Variants in PSPN observed in about 807,000 individuals in gnomAD.
PSPN encodes persephin.
Under a neutral mutation model 9.4 loss-of-function variants are expected in PSPN, and 12 were observed. That is an observed-to-expected ratio of 1.28 (90% CI 0.82 to 2.07). The LOEUF (loss-of-function observed/expected upper bound fraction) is 2.07. PSPN is among the 30% of genes most tolerant of loss of function. PSPN has a pLI of 0.00. For missense variants in PSPN, 229 were observed against 227.4 expected, an observed-to-expected ratio of 1.01 and a Z score of -0.05; for synonymous variants, 115 against 106.4, an observed-to-expected ratio of 1.08 and a Z score of -0.50.
rs766096681 is a variant in PSPN, at chr19:6,375,539, C to G, written c.226G>C (p.Ala76Pro). The G allele has an allele frequency of 4.5e-6, 7 of 1,572,156 alleles. No individual in the cohort carries two copies. The highest frequency in any genetic ancestry group is 5.2e-6 in the Non-Finnish European group (6 of 1,158,784). ...CQLWSLTLSV[A>P]ELGLGYASEE... The stretch of plus-strand genomic sequence containing the variant: ...GAGGCGTAGCCCAGGCCTAGCTCTG[C>G]CACGGACAGGGTCAGGCTCCACAGC... The change falls in exon 2 of 2, where the codon GCA (alanine) becomes CCA (proline). Residue 76 changes from alanine to proline, a missense_variant. Transcript: ENST00000245810.
Position 6,375,819 on chromosome 19 carries a change from G to A in PSPN, c.31C>T (p.Leu11=), listed in dbSNP as rs766584873. 3.1e-6 allele frequency: 5 copies of A among 1,614,102 alleles called. No homozygotes were observed. The highest frequency in any genetic ancestry group is 1.7e-5 in the Admixed American group (1 of 60,016). The change falls in exon 1 of 2, where the codon CTG becomes TTG. Residue 11 remains leucine (L), a synonymous_variant. Transcript: ENST00000245810. MAVGKFLLGS[L]LLLSLQLGQG... is the part of the protein sequence containing the mutation. ...CCCAGCTGCAGGGACAGGAGCAGCA[G>A]GGAGCCCAGCAGGAACTTCCCTACG...
At position 6,375,733 on chromosome 19, in the gene PSPN, T is replaced by C; in HGVS notation, c.117A>G (p.Glu39=). The change falls in exon 1 of 2, where the codon GAA becomes GAG. Residue 39 remains glutamate (E), a synonymous_variant. Coordinates refer to ENST00000245810, the MANE Select transcript of PSPN (RefSeq NM_004158.5). The part of the protein sequence containing the change: ...VPVADGEFSS[E]QVAKAGGTWL... The stretch of plus-strand genomic sequence containing the variant: ...AGGTCCCTCCAGCCTTTGCCACCTG[T>C]TCAGACGAGAACTCTCCATCGGCCA... 1.2e-6 allele frequency: 2 copies of C among 1,614,026 alleles called. No individual in the cohort carries two copies. The highest frequency in any genetic ancestry group is 8.5e-7 in the Non-Finnish European group (1 of 1,179,982).
Position 6,375,162 on chromosome 19 carries a change from G to C in PSPN, c.*132C>G. 1 of 1,282,116 alleles carries C rather than the reference G, an allele frequency of 7.8e-7. No homozygotes were observed. Among genetic ancestry groups the C allele is most frequent in the Non-Finnish European group, 1.0e-6 (1 of 967,824 alleles). The allele number at this position is 1,282,116 out of a possible 1,614,324, so 79.4% of individuals were successfully genotyped here. ...AAAGTCACAAGGCCGGGAGAGTGGT[G>C]TCCTTTATTGCACTCACTGCTGGTC... On this transcript the variant is annotated 3_prime_UTR_variant, in exon 2 of 2. Transcript: ENST00000245810.
chr19:6,375,385 GT>G lies in PSPN; in HGVS notation c.379del (p.Thr127LeufsTer70). On this transcript the variant is annotated frameshift_variant, in exon 2 of 2. Transcript: ENST00000245810. LOFTEE classifies it high-confidence loss of function. ...GAGGAAGGCCACGTCGGTGTAGCGA[GT>G]GGGCCGGCAGCAGGGCCCGCCGTGG... Reference protein sequence around the residue: ...RAHGGPCCRPTRYTDVAFLDD... With the variant: ...RAHGGPCCRPXRYTDVAFLDD... The G allele has an allele frequency of 6.7e-7, 1 of 1,484,388 alleles. No homozygotes were observed. The highest frequency in any genetic ancestry group is 8.9e-7 in the Non-Finnish European group (1 of 1,125,368). The allele number at this position is 1,484,388 out of a possible 1,614,324, so 92.0% of individuals were successfully genotyped here.
chr19:6,375,434 G>A lies in PSPN; in HGVS notation c.331C>T (p.Arg111Trp), dbSNP rs761645033. ...TGGGCTCGGCCCTGGCCCTGCAGCCGGGCCAGCGCCAGGCCATGCTGGGTG... is the reference window on the plus strand; with the variant it reads ...TGGGCTCGGCCCTGGCCCTGCAGCCAGGCCAGCGCCAGGCCATGCTGGGTG... The part of the protein sequence containing the change: ...ARTQHGLALA[R>W]LQGQGRAHGG... The change falls in exon 2 of 2, where the codon CGG (arginine) becomes TGG (tryptophan). Residue 111 changes from arginine (R) to tryptophan (W), a missense_variant. Arg to Trp is a moderately radical substitution (Grantham distance 101). Transcript: ENST00000245810. 36 of 1,541,638 alleles carry A rather than the reference G, an allele frequency of 2.3e-5. No individual in the cohort carries two copies. The highest frequency in any genetic ancestry group is 3.6e-5 in the South Asian group (3 of 83,448).
rs1281183357 is a variant in PSPN at position 6,375,636 on chromosome 19, T to C, written c.149-20A>G. 6.3e-7 allele frequency: 1 copy of C among 1,597,030 alleles called. No individual in the cohort carries two copies. On this transcript the variant is annotated intron_variant, in intron 1 of 1. Transcript: ENST00000245810. ...GGGTGCCTGTGGGAGGGAAGGGCGCTGACAGTGAGCAGGGTCAGGGCTGGG... is the reference window on the plus strand; with the variant it reads ...GGGTGCCTGTGGGAGGGAAGGGCGCCGACAGTGAGCAGGGTCAGGGCTGGG...
Position 6,375,900 on chromosome 19 carries a change from G to A in PSPN, c.-51C>T. ...GAGCTGTGCCCCAAATTTATGCCCT[G>A]CCTGGGCTGGGAGCTAACCTCTTCA... On this transcript the variant is annotated 5_prime_UTR_variant, in exon 1 of 2. Coordinates refer to ENST00000245810, the MANE Select transcript of PSPN (RefSeq NM_004158.5). 6.2e-7 allele frequency: 1 copy of A among 1,611,948 alleles called. No individual in the cohort carries two copies. Among genetic ancestry groups the A allele is most frequent in the Non-Finnish European group, 8.5e-7 (1 of 1,179,262 alleles).
Position 6,375,603 on chromosome 19 carries a change from G to A in PSPN, c.162C>T (p.Pro54=). 6.3e-7 allele frequency: 1 copy of A among 1,584,892 alleles called. No homozygotes were observed. The highest frequency in any genetic ancestry group is 8.6e-7 in the Non-Finnish European group (1 of 1,164,806). The change falls in exon 2 of 2, where the codon CCC becomes CCT. Residue 54 remains proline, a synonymous_variant. Transcript: ENST00000245810. ...ACAGGGCTCGGCGCAGGCGGGCAAGGGGGCGGTGGGTGCCTGTGGGAGGGA... is the reference window on the plus strand; with the variant it reads ...ACAGGGCTCGGCGCAGGCGGGCAAGAGGGCGGTGGGTGCCTGTGGGAGGGA... ...AGGTWLGTHR[P]LARLRRALSG...
Position 6,375,440 on chromosome 19 carries a change from G to A in PSPN, c.325C>T (p.Leu109=), listed in dbSNP as rs764854613. The A allele has an allele frequency of 2.6e-6, 4 of 1,544,800 alleles. No individual in the cohort carries two copies. Among genetic ancestry groups the A allele is most frequent in the Non-Finnish European group, 1.7e-6 (2 of 1,144,464 alleles). ...CGGCCCTGGCCCTGCAGCCGGGCCA[G>A]CGCCAGGCCATGCTGGGTGCGGGCA... ...RGARTQHGLA[L]ARLQGQGRAH... is the part of the protein sequence containing the mutation. Residue 109 remains leucine (L), a synonymous_variant, in exon 2 of 2, where the codon CTG becomes TTG. Coordinates refer to ENST00000245810, the MANE Select transcript of PSPN (RefSeq NM_004158.5).
Position 6,375,858 on chromosome 19 carries a change from G to A in PSPN, c.-9C>T, listed in dbSNP as rs1424072873. On this transcript the variant is annotated 5_prime_UTR_variant, in exon 1 of 2. Transcript: ENST00000245810. ...AACTTCCCTACGGCCATTGTGACGGGCAGGTCCTGAGAGTGGGAGCTGTGC... is the reference window on the plus strand; with the variant it reads ...AACTTCCCTACGGCCATTGTGACGGACAGGTCCTGAGAGTGGGAGCTGTGC... The A allele has an allele frequency of 6.2e-7, 1 of 1,613,950 alleles. No individual in the cohort carries two copies. Among genetic ancestry groups the A allele is most frequent in the African/African-American group, 1.3e-5 (1 of 74,930 alleles).
Position 6,375,748 on chromosome 19 carries a change from T to C in PSPN, c.102A>G (p.Gly34=). ...TTGCCACCTGTTCAGACGAGAACTC[T>C]CCATCGGCCACGGGAACCCCACGGG... ...PDARGVPVAD[G]EFSSEQVAKA... is the part of the protein sequence containing the mutation. Residue 34 remains glycine (G), a synonymous_variant, in exon 1 of 2, where the codon GGA becomes GGG. Coordinates refer to ENST00000245810, the MANE Select transcript of PSPN (RefSeq NM_004158.5). 1 of 1,614,000 alleles carries C rather than the reference T, an allele frequency of 6.2e-7. No individual in the cohort carries two copies. The highest frequency in any genetic ancestry group is 8.5e-7 in the Non-Finnish European group (1 of 1,179,956).
In PSPN at chr19:6,375,524, C is replaced by T; in HGVS notation, c.241G>A (p.Gly81Ser). The change falls in exon 2 of 2, where the codon GGC (glycine) becomes AGC (serine). Residue 81 changes from glycine to serine, a missense_variant. Physicochemically the swap from Gly to Ser is moderately conservative, Grantham distance 56. Coordinates refer to ENST00000245810, the MANE Select transcript of PSPN (RefSeq NM_004158.5). ...ATGACCTTCTCCTCTGAGGCGTAGC[C>T]CAGGCCTAGCTCTGCCACGGACAGG... ...LTLSVAELGL[G>S]YASEEKVIFR... 4 of 1,566,226 alleles carry T rather than the reference C, an allele frequency of 2.6e-6. No individual in the cohort carries two copies. The highest frequency in any genetic ancestry group is 2.6e-6 in the Non-Finnish European group (3 of 1,155,652).
chr19:6,375,494 G>A lies in PSPN; in HGVS notation c.271C>T (p.Arg91Cys), dbSNP rs199881560. 1.0e-3 allele frequency: 1,554 copies of A among 1,557,770 alleles called. 6 individuals carry two copies. In the Middle Eastern group the frequency reaches 0.014, roughly 14 times the overall value. Residue 91 changes from arginine to cysteine, a missense_variant, in exon 2 of 2, where the codon CGC (arginine) becomes TGC (cysteine). Coordinates refer to ENST00000245810, the MANE Select transcript of PSPN (RefSeq NM_004158.5). ...GYASEEKVIFRYCAGSCPRGA... is the reference protein window; with the variant it reads ...GYASEEKVIFCYCAGSCPRGA... Reference sequence around the variant, plus strand: ...CGGGGGCAGCTGCCGGCGCAGTAGCGGAAGATGACCTTCTCCTCTGAGGCG... The same window carrying A: ...CGGGGGCAGCTGCCGGCGCAGTAGCAGAAGATGACCTTCTCCTCTGAGGCG...
At position 6,375,172 on chromosome 19, in the gene PSPN, G is replaced by A; in HGVS notation, c.*122C>T. 7.8e-7 allele frequency: 1 copy of A among 1,287,946 alleles called. No homozygotes were observed. The highest frequency in any genetic ancestry group is 1.0e-6 in the Non-Finnish European group (1 of 976,248). The allele number at this position is 1,287,946 out of a possible 1,614,324, so 79.8% of individuals were successfully genotyped here. ...GGCCGGGAGAGTGGTGTCCTTTATTGCACTCACTGCTGGTCGCCCCAGCCC... is the reference window on the plus strand; with the variant it reads ...GGCCGGGAGAGTGGTGTCCTTTATTACACTCACTGCTGGTCGCCCCAGCCC... On this transcript the variant is annotated 3_prime_UTR_variant, in exon 2 of 2. Coordinates refer to ENST00000245810, the MANE Select transcript of PSPN (RefSeq NM_004158.5).
rs771204750 is a variant in PSPN, at chr19:6,375,474, G to A, written c.291C>T (p.Cys97=). Residue 97 remains cysteine, a synonymous_variant, in exon 2 of 2, where the codon TGC becomes TGT. Transcript: ENST00000245810. ...KVIFRYCAGS[C]PRGARTQHGL... is the part of the protein sequence containing the mutation. The stretch of plus-strand genomic sequence containing the variant: ...CATGCTGGGTGCGGGCACCACGGGG[G>A]CAGCTGCCGGCGCAGTAGCGGAAGA... The A allele has an allele frequency of 4.4e-5, 68 of 1,554,110 alleles. No homozygotes were observed. Among genetic ancestry groups the A allele is most frequent in the Admixed American group, 9.8e-5 (5 of 51,168 alleles).
At position 6,375,275 on chromosome 19, in the gene PSPN, G is replaced by C. The variant is rs927226249; in HGVS notation, c.*19C>G. On this transcript the variant is annotated 3_prime_UTR_variant, in exon 2 of 2. Transcript: ENST00000245810. ...AGCTCCCCCAGCACTGCAGCTTCTG[G>C]GTGCCAGGCCGGGCACCCTCAGCCA... 3 of 1,404,600 alleles carry C rather than the reference G, an allele frequency of 2.1e-6. No individual in the cohort carries two copies. The African/African-American group carries it at 4.5e-5, about 21-fold the overall frequency. 87.0% of individuals were successfully genotyped at this position (1,404,600 alleles called of 1,614,324 possible). A position where few individuals can be genotyped will look rare whatever the true frequency, so the allele number is the denominator to read the frequency against.
Position 6,375,835 on chromosome 19 carries a change from C to T in PSPN, c.15G>A (p.Lys5=), listed in dbSNP as rs368820953. Residue 5 remains lysine (K), a synonymous_variant, in exon 1 of 2, where the codon AAG becomes AAA. Transcript: ENST00000245810. Reference sequence around the variant, plus strand: ...GGAGCAGCAGGGAGCCCAGCAGGAACTTCCCTACGGCCATTGTGACGGGCA... The same window carrying T: ...GGAGCAGCAGGGAGCCCAGCAGGAATTTCCCTACGGCCATTGTGACGGGCA... The part of the protein sequence containing the change: MAVG[K]FLLGSLLLLS... 6.2e-7 allele frequency: 1 copy of T among 1,614,094 alleles called. No individual in the cohort carries two copies. The highest frequency in any genetic ancestry group is 1.1e-5 in the South Asian group (1 of 91,088).
Position 6,375,795 on chromosome 19 carries a change from C to T in PSPN, c.55G>A (p.Gly19Arg). ...CGGGCATCGGGGCCCCAGCCCTGTC[C>T]CAGCTGCAGGGACAGGAGCAGCAGG... ...GSLLLLSLQL[G>R]QGWGPDARGV... Residue 19 changes from glycine (G) to arginine (R), a missense_variant, in exon 1 of 2, where the codon GGA (glycine) becomes AGA (arginine). Physicochemically the swap from Gly to Arg is moderately radical, Grantham distance 125. Coordinates refer to ENST00000245810, the MANE Select transcript of PSPN (RefSeq NM_004158.5). The T allele has an allele frequency of 6.2e-7, 1 of 1,614,014 alleles. No homozygotes were observed. Among genetic ancestry groups the T allele is most frequent in the Non-Finnish European group, 8.5e-7 (1 of 1,179,974 alleles).
Position 6,375,457 on chromosome 19 carries a change from G to A in PSPN, c.308C>T (p.Thr103Ile). The A allele has an allele frequency of 1.3e-6, 2 of 1,547,110 alleles. No homozygotes were observed. The highest frequency in any genetic ancestry group is 1.7e-6 in the Non-Finnish European group (2 of 1,144,866). ...CAGSCPRGAR[T>I]QHGLALARLQ... is the part of the protein sequence containing the mutation. Reference sequence around the variant, plus strand: ...CCGGGCCAGCGCCAGGCCATGCTGGGTGCGGGCACCACGGGGGCAGCTGCC... The same window carrying A: ...CCGGGCCAGCGCCAGGCCATGCTGGATGCGGGCACCACGGGGGCAGCTGCC... Residue 103 changes from threonine (T) to isoleucine (I), a missense_variant, in exon 2 of 2, where the codon ACC becomes ATC. Physicochemically the swap from Thr to Ile is moderately conservative, Grantham distance 89 (BLOSUM62 -1). Coordinates refer to ENST00000245810, the MANE Select transcript of PSPN (RefSeq NM_004158.5).
Sources: gnomAD v4.1 joint callset for allele counts on GRCh38, gnomAD v4.1.1 for gene constraint, MANE v1.5 for transcripts, NCBI Gene and HGNC (gene_info 2026-07-23, HGNC 2026-07-21) for gene names.